Variants in LUZP2 observed in about 807,000 individuals in gnomAD.
The protein encoded by LUZP2 is leucine zipper protein 2.
A neutral mutation model predicts 51.6 loss-of-function variants in LUZP2; 52 were observed. That is an observed-to-expected ratio of 1.01 (90% CI 0.81 to 1.27). The LOEUF is 1.27. Ranked by LOEUF, LUZP2 falls within the 50% of genes most tolerant of loss-of-function variation. The pLI is 0.00. For missense variants in LUZP2, 436 were observed against 395.4 expected (o/e 1.10, Z -0.87); for synonymous variants, 154 against 137.3 (o/e 1.12, Z -0.85).
intron 1 of LUZP2, among the ~76,000 whole-genome samples, chr11:24,617,132 A>C (rs191849647): frequency 6.6e-6 from 1 of 152,242 alleles, no homozygotes; most frequent in Non-Finnish European, 1.5e-5. Flanking sequence ...CCTGATGTTC[A>C]TGGTGAGGCT....
At chr11:24,993,533 G>A (rs972197635) in intron 9 of LUZP2, among the ~76,000 whole-genome samples, 7 of 152,028 alleles carry the variant, frequency 4.6e-5, no homozygotes, top group Admixed American at 4.6e-4. Context: ...AGATAAAACT[G>A]TATGATTAAT....
At chr11:24,574,279 T>G (rs530564741) in intron 1 of LUZP2, among the ~76,000 whole-genome samples, 1 of 61,122 alleles carries the variant, frequency 1.6e-5, no homozygotes, top group African/African-American at 6.3e-5. Context: ...TTTCTTTCTT[T>G]CTTTCTTTCC....
intron 1 of LUZP2, among the ~76,000 whole-genome samples, chr11:24,665,498 C>T (rs545876955): frequency 6.6e-6 from 1 of 152,176 alleles, no homozygotes; most frequent in East Asian, 1.9e-4. Context: ...GGGTCAGGGG[C>T]AGAATAATAT....
chr11:24,579,528 G>A (rs527725041), intron 1 of LUZP2, among the ~76,000 whole-genome samples: 1 of 152,102 alleles, frequency 6.6e-6, no homozygotes, highest in East Asian at 1.9e-4. Context: ...ATTGCTTATG[G>A]TTTCAACTTT....
chr11:24,884,239 A>G (rs1018470001), intron 5 of LUZP2, among the ~76,000 whole-genome samples: 3 of 152,170 alleles, frequency 2.0e-5, no homozygotes, highest in African/African-American at 7.2e-5. Flanking sequence ...TTAGACACTC[A>G]AAGCCAAATT....
chr11:24,605,283 A>G (rs1384857648), intron 1 of LUZP2, among the ~76,000 whole-genome samples: 1 of 151,822 alleles, frequency 6.6e-6, no homozygotes, highest in Non-Finnish European at 1.5e-5. Flanking sequence ...AAAAGTAAAC[A>G]TGTCCTCTAA....
At chr11:24,552,624 G>C (rs1037122871) in intron 1 of LUZP2, among the ~76,000 whole-genome samples, 1 of 151,896 alleles carries the variant, frequency 6.6e-6, no homozygotes, top group African/African-American at 2.4e-5. Flanking sequence ...ATAGATACAA[G>C]ATCAGCTGGG....
At chr11:24,770,022 G>A (rs1297111825) in intron 5 of LUZP2, among the ~76,000 whole-genome samples, 1 of 152,160 alleles carries the variant, frequency 6.6e-6, no homozygotes, top group Non-Finnish European at 1.5e-5. Context: ...TCGAACTCCT[G>A]ACCTCAAGTG....
chr11:25,050,875 C>T (rs1394328190), intron 10 of LUZP2, among the ~76,000 whole-genome samples: 2 of 152,124 alleles, frequency 1.3e-5, no homozygotes, highest in Non-Finnish European at 2.9e-5. Context: ...TCATTTCCTT[C>T]AAATGATAGG....
intron 4 of LUZP2, among the ~76,000 whole-genome samples, chr11:24,746,481 A>T (rs1859384874): frequency 6.6e-6 from 1 of 152,114 alleles, no homozygotes; most frequent in African/African-American, 2.4e-5. Flanking sequence ...ACAGTTCTTA[A>T]GATTCCTTCC....
chr11:24,811,423 G>A (rs1008691322), intron 5 of LUZP2, among the ~76,000 whole-genome samples: 4 of 151,988 alleles, frequency 2.6e-5, no homozygotes, highest in Admixed American at 6.6e-5. Context: ...TTTGCTAGTC[G>A]CTGTCTTATC....
intron 9 of LUZP2, among the ~76,000 whole-genome samples, chr11:25,013,943 C>T (rs1258845340): frequency 6.6e-6 from 1 of 151,918 alleles, no homozygotes; most frequent in Non-Finnish European, 1.5e-5. Context: ...TGTTCCCCTT[C>T]CTGTGTCCAT....
intron 1 of LUZP2, among the ~76,000 whole-genome samples, chr11:24,503,997 G>T (rs1192166938): frequency 6.6e-6 from 1 of 152,076 alleles, no homozygotes; most frequent in Non-Finnish European, 1.5e-5. Flanking sequence ...GAATGAGCTG[G>T]CCTAAATAAG....
At chr11:24,630,437 A>G (rs1854838778) in intron 1 of LUZP2, among the ~76,000 whole-genome samples, 1 of 152,096 alleles carries the variant, frequency 6.6e-6, no homozygotes, top group African/African-American at 2.4e-5. Flanking sequence ...ACCATTTATT[A>G]CAAAGGGTGT....
intron 1 of LUZP2, among the ~76,000 whole-genome samples, chr11:24,544,617 C>T (rs939283440): frequency 6.6e-6 from 1 of 152,040 alleles, no homozygotes; most frequent in Non-Finnish European, 1.5e-5. Flanking sequence ...GACATGATCT[C>T]ATTTTTTATG....
At chr11:24,724,343 G>A (rs949052754) in intron 1 of LUZP2, among the ~76,000 whole-genome samples, 2 of 152,116 alleles carry the variant, frequency 1.3e-5, no homozygotes, top group East Asian at 3.9e-4. Flanking sequence ...GCTGAGGAGG[G>A]CAGATCGATT....
chr11:24,551,553 A>G (rs1208700753), intron 1 of LUZP2, among the ~76,000 whole-genome samples: 1 of 152,032 alleles, frequency 6.6e-6, no homozygotes, highest in South Asian at 2.1e-4. Flanking sequence ...ATGCTAAATA[A>G]TACCATTATA....
chr11:24,727,283 T>C (rs904620990), intron 1 of LUZP2, among the ~76,000 whole-genome samples: 3 of 152,054 alleles, frequency 2.0e-5, no homozygotes, highest in Non-Finnish European at 4.4e-5. Context: ...GCCAAATCAG[T>C]ATATTCTTTC....
chr11:24,931,104 G>A (rs1260236921), intron 7 of LUZP2, among the ~76,000 whole-genome samples: 3 of 151,866 alleles, frequency 2.0e-5, no homozygotes, highest in East Asian at 1.9e-4. Flanking sequence ...CCACCTACTC[G>A]GGAGGCTGAA....
Sources: gnomAD v4.1 joint callset for allele counts (sites outside exome capture counted in the v4.1 genomes callset) on GRCh38, gnomAD v4.1.1 for gene constraint, MANE v1.5 for transcripts, NCBI Gene and HGNC (gene_info 2026-07-23, HGNC 2026-07-21) for gene names.